Variants in BLMH observed in about 807,000 individuals in gnomAD.
BLMH encodes BLM hydrolase.
BLMH carries 32 observed loss-of-function variants against 61.6 expected under a neutral mutation model. The ratio of observed to expected loss-of-function variants is 0.52; its 90% CI spans 0.39 to 0.70. The LOEUF is 0.70. Among genes scored for constraint, BLMH ranks in the 30% least tolerant of loss-of-function variants. The pLI is 0.00. For synonymous variants in BLMH, 183 were observed against 193.8 expected, an observed-to-expected ratio of 0.94 and a Z score of 0.46; for missense variants, 460 against 555.5, an observed-to-expected ratio of 0.83 and a Z score of 1.73.
At chr17:30,267,967 T>G (rs1397736945) in intron 10 of BLMH, among the ~76,000 whole-genome samples, 1 of 152,182 alleles carries the variant, frequency 6.6e-6, no homozygotes, top group Non-Finnish European at 1.5e-5. Flanking sequence ...TTTTCTTGGA[T>G]CTCAGTAATT....
At chr17:30,259,498 T>C (rs371963191) in intron 11 of BLMH, among the ~76,000 whole-genome samples, 1 of 152,118 alleles carries the variant, frequency 6.6e-6, no homozygotes, top group African/African-American at 2.4e-5. Context: ...TGTCTTCCTA[T>C]TGTCTCCCCA....
At chr17:30,280,056 T>C (rs1400547863) in intron 6 of BLMH, among the ~76,000 whole-genome samples, 2 of 152,156 alleles carry the variant, frequency 1.3e-5, no homozygotes, top group Non-Finnish European at 2.9e-5. Flanking sequence ...TTATAAATCT[T>C]AGAAGCGTGA....
chr17:30,270,862 GAC>G (rs1908249166), intron 10 of BLMH, among the ~76,000 whole-genome samples: 1 of 152,150 alleles, frequency 6.6e-6, no homozygotes, highest in African/African-American at 2.4e-5. Flanking sequence ...TACTGTTATT[GAC>G]ATTTTACTGC....
intron 2 of BLMH, among the ~76,000 whole-genome samples, chr17:30,290,128 C>T (rs1392988525): frequency 6.6e-6 from 1 of 152,172 alleles, no homozygotes; most frequent in African/African-American, 2.4e-5. Context: ...GTCACTAGTG[C>T]CTATTAGTTC....
chr17:30,291,221 T>A (rs1315835709), intron 2 of BLMH, 90 bp downstream of exon 2: 2 of 1,465,176 alleles, frequency 1.4e-6, no homozygotes, highest in African/African-American at 2.8e-5. Flanking sequence ...GTTCTTTCAG[T>A]ACGAATTTAA....
At chr17:30,286,636 CCTCT>C (rs1908734787) in intron 5 of BLMH, among the ~76,000 whole-genome samples, 174 bp downstream of exon 5, 1 of 151,854 alleles carries the variant, frequency 6.6e-6, no homozygotes, top group African/African-American at 2.4e-5. Context: ...AAGGAAAAAC[CCTCT>C]AATATTAATT....
In BLMH at chr17:30,271,292, G is replaced by T; in HGVS notation, c.1125C>A (p.Thr375=). ...FGESLMTHAM[T]FTAVSEKDDQ... ...ATACCTTCTCTGAGACAGCAGTGAA[G>T]GTCATGGCGTGGGTCATAAGTGACT... is the stretch of plus-strand genomic sequence containing the variant. Residue 375 remains threonine, a synonymous_variant, in exon 10 of 12, where the codon ACC becomes ACA. Transcript: ENST00000261714. 1 of 1,613,532 alleles carries T rather than the reference G, an allele frequency of 6.2e-7. No homozygotes were observed. The highest frequency in any genetic ancestry group is 8.5e-7 in the Non-Finnish European group (1 of 1,179,454).
chr17:30,254,002 G>C (rs1552472), intron 11 of BLMH, among the ~76,000 whole-genome samples: 12,803 of 152,166 alleles, frequency 0.084, 832 homozygotes, highest in African/African-American at 0.17. Context: ...TTCAGAAACA[G>C]AAGAGTTTCA....
At position 30,291,834 on chromosome 17, in the gene BLMH, C is replaced by G; in HGVS notation, c.-15G>C. ...GAGCTGCTCATGGCGCCCACGCTGC[C>G]CGGCGGGGTAACGGTAGCTTCCAGG... is the stretch of plus-strand genomic sequence containing the variant. On this transcript the variant is annotated 5_prime_UTR_variant, in exon 1 of 12. Transcript: ENST00000261714. The G allele has an allele frequency of 3.0e-6, 4 of 1,339,554 alleles. No individual in the cohort carries two copies. Among genetic ancestry groups the G allele is most frequent in the Non-Finnish European group, 3.8e-6 (4 of 1,049,576 alleles). The allele number at this position is 1,339,554 out of a possible 1,614,324, so 83.0% of individuals were successfully genotyped here.
chr17:30,265,707 C>T (rs1908083674), intron 11 of BLMH, among the ~76,000 whole-genome samples: 1 of 152,126 alleles, frequency 6.6e-6, no homozygotes, highest in Non-Finnish European at 1.5e-5. Context: ...TAGCCAGAAT[C>T]CATTGGCTAA....
intron 11 of BLMH, among the ~76,000 whole-genome samples, chr17:30,265,939 T>C (rs1908091861): frequency 2.0e-5 from 3 of 152,244 alleles, no homozygotes; most frequent in Admixed American, 1.3e-4. Flanking sequence ...TAATCAACAG[T>C]GATCTCTAGG....
At chr17:30,258,810 A>T (rs1014659847) in intron 11 of BLMH, among the ~76,000 whole-genome samples, 2 of 152,100 alleles carry the variant, frequency 1.3e-5, no homozygotes, top group African/African-American at 4.8e-5. Context: ...ACCCCAAACT[A>T]TCGCTACTCC....
rs1328731439 is a variant in BLMH, at chr17:30,249,009, G to A, written c.*8C>T. On this transcript the variant is annotated 3_prime_UTR_variant, in exon 12 of 12. Transcript: ENST00000261714. ...TCCATGGAAGGAGGAAAGAGCTGGA[G>A]GGCAGTATCACTCAGCCAAAGCTCC... is the stretch of plus-strand genomic sequence containing the variant. 3 of 1,613,644 alleles carry A rather than the reference G, an allele frequency of 1.9e-6. No homozygotes were observed. The highest frequency in any genetic ancestry group is 1.3e-5 in the African/African-American group (1 of 74,886).
At chr17:30,249,199 C>T (rs1417093417) in intron 11 of BLMH, 31 bp from the exon 12 acceptor site, 1 of 1,612,198 alleles carries the variant, frequency 6.2e-7, no homozygotes, top group Non-Finnish European at 8.5e-7. Context: ...CTTATGAGTC[C>T]AGAGGGCAAG....
chr17:30,257,672 C>T (rs1403399136), intron 11 of BLMH, among the ~76,000 whole-genome samples: 1 of 152,216 alleles, frequency 6.6e-6, no homozygotes, highest in Non-Finnish European at 1.5e-5. Context: ...GAGGAGCTTA[C>T]ACTTCACAAT....
chr17:30,273,632 C>G, intron 7 of BLMH: 1 of 202,154 alleles, frequency 4.9e-6, no homozygotes, highest in Non-Finnish European at 9.8e-6. Context: ...ATGAGGAAGA[C>G]CTAAAGGGAA....
At chr17:30,272,960 G>A in intron 7 of BLMH, 61 bp from the exon 8 acceptor site, 1 of 1,552,808 alleles carries the variant, frequency 6.4e-7, no homozygotes, top group East Asian at 2.2e-5. Flanking sequence ...GCAACACACA[G>A]CTCTCCTCTA....
intron 11 of BLMH, 96 bp downstream of exon 11, chr17:30,266,789 C>T: frequency 8.8e-7 from 1 of 1,132,074 alleles, no homozygotes; most frequent in Non-Finnish European, 1.3e-6. Flanking sequence ...GAGCCAATTA[C>T]TGAGAAATCC....
chr17:30,252,533 CAAAAAA>C (rs34594289), intron 11 of BLMH, among the ~76,000 whole-genome samples: 2,585 of 66,404 alleles, frequency 0.039, 78 homozygotes, highest in African/African-American at 0.12. Context: ...CCCATCCTCA[CAAAAAA>C]AAAAAAAAAA....
Sources: gnomAD v4.1 joint callset for allele counts (sites outside exome capture counted in the v4.1 genomes callset) on GRCh38, gnomAD v4.1.1 for gene constraint, MANE v1.5 for transcripts, NCBI Gene and HGNC (gene_info 2026-07-23, HGNC 2026-07-21) for gene names.